C10orf90: variants seen among roughly 807,000 people sequenced by gnomAD.
The protein encoded by C10orf90 is (E2-independent) E3 ubiquitin-conjugating enzyme FATS.
In C10orf90, 56 loss-of-function variants were observed where a neutral mutation model predicts 62.5. The observed-to-expected ratio is 0.90, with a 90% CI of 0.72 to 1.12. The LOEUF (loss-of-function observed/expected upper bound fraction) is 1.12, where lower values mean the gene tolerates loss of function less well. Among genes scored for constraint, C10orf90 ranks in the 50% most tolerant of loss-of-function variants. The pLI, the probability that C10orf90 is intolerant of heterozygous loss-of-function variation, is 0.00. For missense variants in C10orf90, 970 were observed against 880.4 expected, an observed-to-expected ratio of 1.10 and a Z score of -1.29; for synonymous variants, 386 against 340.4, an observed-to-expected ratio of 1.13 and a Z score of -1.47.
At chr10:126,461,260 G>C in intron 6 of C10orf90, 141 bp downstream of exon 6, 1 of 905,912 alleles carries the variant, frequency 1.1e-6, no homozygotes, top group South Asian at 1.8e-5. Flanking sequence ...AAGCTTAGGG[G>C]ACCTGCCCAG....
intron 2 of C10orf90, among the ~76,000 whole-genome samples, chr10:126,608,830 T>C (rs1437819453): frequency 2.0e-5 from 3 of 152,228 alleles, no homozygotes; most frequent in African/African-American, 4.8e-5. Flanking sequence ...GGATTTACTA[T>C]TGTTATTTTA....
rs188881731 is a variant in C10orf90 at position 126,625,733 on chromosome 10, T to C, written c.313+20832A>G. Among the ~76,000 whole-genome samples the C allele has an allele frequency of 2.3e-4, 35 of 152,336 alleles. 1 individual carries two copies. The highest frequency in any genetic ancestry group is 8.4e-4 in the African/African-American group (35 of 41,584). On this transcript the variant is annotated intron_variant, in intron 2 of 9. Transcript: ENST00000488181. The stretch of plus-strand genomic sequence containing the variant: ...GTTTGGGGGCTGAAATCTAACTTTA[T>C]TCCTTTATGTCATTCATTGGAATTT...
At chr10:126,497,057 A>G (rs1462399818) in intron 4 of C10orf90, among the ~76,000 whole-genome samples, 1 of 152,222 alleles carries the variant, frequency 6.6e-6, no homozygotes, top group African/African-American at 2.4e-5. Context: ...ACCAGAGAAG[A>G]GCCCAGTGTC....
Position 126,526,533 on chromosome 10 carries a change from C to T in C10orf90, c.314-12594G>A, listed in dbSNP as rs61865886. ...TGCTGGGATTACAGGTGTGAGCCAC[C>T]GCACCTGGCCAACTAATTTTTTTAA... On this transcript the variant is annotated intron_variant, in intron 2 of 9. Transcript: ENST00000488181. Among the ~76,000 whole-genome samples, 1,064 of 152,204 alleles carry T rather than the reference C, an allele frequency of 7.0e-3. 7 individuals carry two copies. The highest frequency in any genetic ancestry group is 0.012 in the Non-Finnish European group (800 of 68,010).
Position 126,650,281 on chromosome 10 carries a change from G to A in C10orf90, c.241-3644C>T, listed in dbSNP as rs552887794. Among the ~76,000 whole-genome samples, 22 of 152,216 alleles carry A rather than the reference G, an allele frequency of 1.4e-4. No homozygotes were observed. The Middle Eastern group carries it at 0.01, about 71-fold the overall frequency. ...TCCCTTAAGTCTCTGAAGACATTAC[G>A]GTGTTATTTAGTGAATGGAAACGGT... is the stretch of plus-strand genomic sequence containing the variant. On this transcript the variant is annotated intron_variant, in intron 1 of 9. Transcript: ENST00000488181.
intron 1 of C10orf90, among the ~76,000 whole-genome samples, chr10:126,652,535 G>A (rs2366864): frequency 1 from 152,180 of 152,284 alleles, 76,038 homozygotes; most frequent in Middle Eastern, 1. Context: ...TCTTGGAGGT[G>A]CATGGAGGAA....
intron 3 of C10orf90, among the ~76,000 whole-genome samples, chr10:126,506,091 G>C (rs1862716574): frequency 6.6e-6 from 1 of 152,210 alleles, no homozygotes; most frequent in Non-Finnish European, 1.5e-5. Context: ...GGCACATGTA[G>C]CTTTGCTGCA....
rs574420597 is a variant in C10orf90, at chr10:126,470,887, G to C, written c.1535-5901C>G. On this transcript the variant is annotated intron_variant, in intron 4 of 9. Coordinates refer to ENST00000488181, the MANE Select transcript of C10orf90 (RefSeq NM_001350921.2). The stretch of plus-strand genomic sequence containing the variant: ...TTCTCTGCTTTTTTTTCTGGTTAAG[G>C]CTTCAACTTTTGTCTGCAGGTTAAA... Among the ~76,000 whole-genome samples the C allele has an allele frequency of 3.3e-4, 50 of 152,248 alleles. 2 individuals carry two copies. In the East Asian group the frequency reaches 7.3e-3, roughly 22 times the overall value.
In C10orf90 at chr10:126,642,661, G is replaced by A. The variant is rs117942298; in HGVS notation, c.313+3904C>T. ...CTTCCCAACTCATATCTTCTCTCCC[G>A]CTGTAATCTCAGCCATTCTCATGGT... On this transcript the variant is annotated intron_variant, in intron 2 of 9. Coordinates refer to ENST00000488181, the MANE Select transcript of C10orf90 (RefSeq NM_001350921.2). Among the ~76,000 whole-genome samples, 99 of 152,084 alleles carry A rather than the reference G, an allele frequency of 6.5e-4. 1 individual carries two copies. In the East Asian group the frequency reaches 0.014, roughly 21 times the overall value.
At chr10:126,602,018 A>G (rs900989751) in intron 2 of C10orf90, among the ~76,000 whole-genome samples, 3 of 152,272 alleles carry the variant, frequency 2.0e-5, no homozygotes, top group Non-Finnish European at 4.4e-5. Context: ...GGGATGGTCC[A>G]ACAGCCATCT....
At chr10:126,497,210 A>AG (rs1862108380) in intron 4 of C10orf90, among the ~76,000 whole-genome samples, 1 of 152,174 alleles carries the variant, frequency 6.6e-6, no homozygotes, top group Non-Finnish European at 1.5e-5. Flanking sequence ...GAAAGGTGGC[A>AG]GGCAAGCTGG....
chr10:126,442,478 C>CATATATATATATATATGTATAT (rs1858412566), intron 7 of C10orf90, among the ~76,000 whole-genome samples: 1 of 33,810 alleles, frequency 3.0e-5, no homozygotes, highest in Admixed American at 3.8e-4. Context: ...TTCAATATTT[C>CATATATATATATATATGTATAT]ATATATATAT....
At chr10:126,477,165 G>C (rs1860933219) in intron 4 of C10orf90, among the ~76,000 whole-genome samples, 1 of 128,320 alleles carries the variant, frequency 7.8e-6, no homozygotes, top group African/African-American at 2.9e-5. Context: ...ACATTTTTAA[G>C]TGCTCAGTGA....
At chr10:126,448,459 T>G (rs535830030) in intron 7 of C10orf90, among the ~76,000 whole-genome samples, 1 of 152,074 alleles carries the variant, frequency 6.6e-6, no homozygotes, top group African/African-American at 2.4e-5. Flanking sequence ...CTGCTACACC[T>G]CAAGGGACTA....
At chr10:126,469,240 A>G (rs907964681) in intron 4 of C10orf90, among the ~76,000 whole-genome samples, 1 of 152,236 alleles carries the variant, frequency 6.6e-6, no homozygotes, top group African/African-American at 2.4e-5. Context: ...ATTTATATCC[A>G]GATTAGTTTA....
At chr10:126,547,414 CAAAAA>C (rs55740296) in intron 2 of C10orf90, among the ~76,000 whole-genome samples, 15 of 125,252 alleles carry the variant, frequency 1.2e-4, no homozygotes, top group Admixed American at 1.7e-4. Flanking sequence ...GCAAGACTGT[CAAAAA>C]AAAAAAAAAT....
At chr10:126,643,106 T>A (rs1397447025) in intron 2 of C10orf90, among the ~76,000 whole-genome samples, 1 of 152,254 alleles carries the variant, frequency 6.6e-6, no homozygotes, top group Admixed American at 6.5e-5. Context: ...GATAGTGTAT[T>A]CCAGCAACTT....
intron 1 of C10orf90, among the ~76,000 whole-genome samples, chr10:126,669,056 A>C (rs1846693813): frequency 6.6e-6 from 1 of 152,214 alleles, no homozygotes; most frequent in Non-Finnish European, 1.5e-5. Context: ...GGAGGACTGG[A>C]AAATAACCTC....
intron 2 of C10orf90, among the ~76,000 whole-genome samples, chr10:126,584,510 A>C (rs1591121194): frequency 6.6e-6 from 1 of 151,988 alleles, no homozygotes. Context: ...CTCCATCTGC[A>C]CTCTGGGGAC....
Sources: gnomAD v4.1 joint callset for allele counts (sites outside exome capture counted in the v4.1 genomes callset) on GRCh38, gnomAD v4.1.1 for gene constraint, MANE v1.5 for transcripts, NCBI Gene and HGNC (gene_info 2026-07-23, HGNC 2026-07-21) for gene names.